Variants in FNIP1 observed in about 807,000 individuals in gnomAD.
FNIP1 encodes folliculin-interacting protein 1.
FNIP1 carries 40 observed loss-of-function variants against 124.5 expected under a neutral mutation model. The ratio of observed to expected loss-of-function variants is 0.32; its 90% confidence interval spans 0.25 to 0.42. FNIP1 has a LOEUF of 0.42. Among genes scored for constraint, FNIP1 ranks in the 10% least tolerant of loss-of-function variants. The pLI is 1.00. For missense variants in FNIP1, 1,176 were observed against 1,403.7 expected, an observed-to-expected ratio of 0.84 and a Z score of 2.59; for synonymous variants, 472 against 470.6, an observed-to-expected ratio of 1.00 and a Z score of -0.04.
intron 1 of FNIP1, among the ~76,000 whole-genome samples, chr5:131,771,795 C>T (rs1258393155): frequency 4.6e-5 from 7 of 152,070 alleles, no homozygotes; most frequent in Non-Finnish European, 7.4e-5. Flanking sequence ...AAAAGTTTTA[C>T]GTTACTGTCA....
intron 15 of FNIP1, among the ~76,000 whole-genome samples, chr5:131,657,185 G>A (rs970658561): frequency 2.0e-5 from 3 of 151,960 alleles, no homozygotes; most frequent in African/African-American, 7.3e-5. Flanking sequence ...TGTATTTTTA[G>A]TAGAGACGGG....
rs564833796 is a variant in FNIP1 at position 131,653,275 on chromosome 5, C to T, written c.3109-1276G>A. 2.6e-4 allele frequency among the ~76,000 whole-genome samples: 39 copies of T among 152,068 alleles called. 1 individual carries two copies. The highest frequency in any genetic ancestry group is 6.8e-3 in the Middle Eastern group (2 of 294). The stretch of plus-strand genomic sequence containing the variant: ...AATTCAGGCTGGGCGTGGTAGTTCA[C>T]GCCTATAATGCAGGCACTTTGGGAG... On this transcript the variant is annotated intron_variant, in intron 15 of 17. Transcript: ENST00000510461.
At chr5:131,705,801 T>C (rs1489827373) in intron 9 of FNIP1, among the ~76,000 whole-genome samples, 1 of 152,154 alleles carries the variant, frequency 6.6e-6, no homozygotes, top group Non-Finnish European at 1.5e-5. Context: ...ACACTCATGT[T>C]CAGAGCGGCA....
intron 13 of FNIP1, among the ~76,000 whole-genome samples, chr5:131,676,025 AT>A (rs34505070): frequency 1.2e-3 from 175 of 140,272 alleles, no homozygotes; most frequent in Middle Eastern, 3.6e-3. Context: ...CGCCCAGCTA[AT>A]TTTTTTTTTT....
intron 9 of FNIP1, among the ~76,000 whole-genome samples, chr5:131,706,087 A>C (rs1561665539): frequency 6.6e-6 from 1 of 152,132 alleles, no homozygotes; most frequent in Non-Finnish European, 1.5e-5. Context: ...AAGAGGAAGA[A>C]AAGGGAGAAA....
At chr5:131,716,723 T>A (rs1420574547) in intron 5 of FNIP1, 67 bp from the exon 6 acceptor site, 1 of 950,220 alleles carries the variant, frequency 1.1e-6, no homozygotes, top group South Asian at 1.7e-5. Flanking sequence ...TCTTTGTACA[T>A]CCTGATGAAA....
At chr5:131,664,456 C>T (rs554181575) in intron 15 of FNIP1, among the ~76,000 whole-genome samples, 16 of 151,766 alleles carry the variant, frequency 1.1e-4, no homozygotes, top group African/African-American at 3.9e-4. Flanking sequence ...GATAATACAG[C>T]GAGACCCCAT....
intron 15 of FNIP1, among the ~76,000 whole-genome samples, chr5:131,659,144 G>A (rs1767313332): frequency 6.6e-6 from 1 of 152,182 alleles, no homozygotes; most frequent in East Asian, 1.9e-4. Flanking sequence ...GGCCAGGATG[G>A]AGCTGCCCAT....
At chr5:131,747,559 G>T (rs756229483) in intron 1 of FNIP1, among the ~76,000 whole-genome samples, 3 of 152,132 alleles carry the variant, frequency 2.0e-5, no homozygotes, top group East Asian at 1.9e-4. Flanking sequence ...AGGGAAAGGG[G>T]TCTCACGGAA....
chr5:131,741,841 G>GT (rs1223637773), intron 2 of FNIP1, among the ~76,000 whole-genome samples: 1 of 152,110 alleles, frequency 6.6e-6, no homozygotes, highest in African/African-American at 2.4e-5. Flanking sequence ...AACATATTGA[G>GT]TGAGCCCAAA....
intron 9 of FNIP1, among the ~76,000 whole-genome samples, chr5:131,706,133 T>C (rs1769100976): frequency 6.6e-6 from 1 of 152,084 alleles, no homozygotes; most frequent in African/African-American, 2.4e-5. Flanking sequence ...GAGTTTCAGC[T>C]GGGAAGAGGA....
chr5:131,795,815 TA>T (rs1772569070), intron 1 of FNIP1: 1 of 152,258 alleles, frequency 6.6e-6, no homozygotes. Flanking sequence ...ATTTTTATTT[TA>T]TTTTTTTGTT....
chr5:131,733,810 C>T (rs1174369115), intron 2 of FNIP1, among the ~76,000 whole-genome samples: 10 of 152,056 alleles, frequency 6.6e-5, no homozygotes, highest in African/African-American at 2.4e-4. Context: ...TGTGTCTCTG[C>T]CAGGCTTTGG....
At chr5:131,665,422 C>T (rs1256425048) in intron 15 of FNIP1, among the ~76,000 whole-genome samples, 2 of 151,712 alleles carry the variant, frequency 1.3e-5, no homozygotes, top group African/African-American at 4.8e-5. Context: ...AAAGAAAAGA[C>T]ACTCTCCTCT....
intron 3 of FNIP1, among the ~76,000 whole-genome samples, chr5:131,725,122 A>G (rs879399165): frequency 6.6e-6 from 1 of 152,176 alleles, no homozygotes; most frequent in Admixed American, 6.5e-5. Context: ...TATAGTTTGA[A>G]GTCAGGTAGC....
chr5:131,757,041 A>G (rs1353248025), intron 1 of FNIP1, among the ~76,000 whole-genome samples: 1 of 152,228 alleles, frequency 6.6e-6, no homozygotes. Context: ...GTTAAGAGTG[A>G]CAGTGAGAAA....
At chr5:131,693,333 C>CATATATATATATATAT (rs70974007) in intron 11 of FNIP1, among the ~76,000 whole-genome samples, 3 of 50,148 alleles carry the variant, frequency 6.0e-5, no homozygotes, top group East Asian at 4.6e-4. Context: ...TATATATATA[C>CATATATATATATATAT]ATATATATAT....
In FNIP1 at chr5:131,719,289, G is replaced by C. The variant is rs767333416; in HGVS notation, c.455+28C>G. On this transcript the variant is annotated intron_variant, in intron 4 of 17. Transcript: ENST00000510461. ...ACGAAAATATCTAAAAATGGGACTC[G>C]TTAAAAAAAAATCAGAAAACCTCTC... 2.5e-6 allele frequency: 4 copies of C among 1,573,242 alleles called. No homozygotes were observed. In the South Asian group the frequency reaches 3.5e-5, roughly 14 times the overall value.
chr5:131,659,363 T>C (rs1286373631), intron 15 of FNIP1, among the ~76,000 whole-genome samples: 1 of 152,188 alleles, frequency 6.6e-6, no homozygotes, highest in Non-Finnish European at 1.5e-5. Context: ...GGATAGCTCA[T>C]TGCCAATGGT....
Sources: gnomAD v4.1 joint callset for allele counts (sites outside exome capture counted in the v4.1 genomes callset) on GRCh38, gnomAD v4.1.1 for gene constraint, MANE v1.5 for transcripts, NCBI Gene and HGNC (gene_info 2026-07-23, HGNC 2026-07-21) for gene names.